The following SYNDIG1 variants were observed in gnomAD, a reference collection of about 807,000 sequenced individuals.
SYNDIG1 encodes the protein synapse differentiation-inducing gene protein 1.
In SYNDIG1, 9 loss-of-function variants were observed where a neutral mutation model predicts 19.4. That is an observed-to-expected ratio of 0.46 (90% CI 0.28 to 0.81). The LOEUF is 0.81. Ranked by LOEUF, SYNDIG1 falls within the 30% of genes least tolerant of loss-of-function variation. The pLI is 0.12. For synonymous variants in SYNDIG1, 141 were observed against 145.9 expected, an observed-to-expected ratio of 0.97 and a Z score of 0.24; for missense variants, 311 against 343.3, an observed-to-expected ratio of 0.91 and a Z score of 0.74.
chr20:24,631,345 G>A (rs1013090116), intron 3 of SYNDIG1, among the ~76,000 whole-genome samples: 25 of 152,138 alleles, frequency 1.6e-4, no homozygotes, highest in Non-Finnish European at 1.0e-4. Flanking sequence ...GGTGAGCTCC[G>A]GGGCAGGTGG....
intron 3 of SYNDIG1, among the ~76,000 whole-genome samples, chr20:24,641,798 C>A (rs2059379560): frequency 6.6e-6 from 1 of 152,164 alleles, no homozygotes; most frequent in Non-Finnish European, 1.5e-5. Context: ...CTCACCTTGT[C>A]CCATGCCACG....
rs1368408722 is a variant in SYNDIG1, at chr20:24,478,424, C to T, written c.-79+8671C>T. Reference sequence around the variant, plus strand: ...GGAATGAAGAGACCCAGAGGGCTTCCCCAACGTGCCGTCCAGCCTCACTGT... The same window carrying T: ...GGAATGAAGAGACCCAGAGGGCTTCTCCAACGTGCCGTCCAGCCTCACTGT... On this transcript the variant is annotated intron_variant, in intron 1 of 3. Coordinates refer to ENST00000376862, the MANE Select transcript of SYNDIG1 (RefSeq NM_024893.3). Among the ~76,000 whole-genome samples, 4 of 152,212 alleles carry T rather than the reference C, an allele frequency of 2.6e-5. No individual in the cohort carries two copies. In the East Asian group the frequency reaches 7.7e-4, roughly 29 times the overall value.
Position 24,506,410 on chromosome 20 carries a change from T to C in SYNDIG1, c.-78-36610T>C, listed in dbSNP as rs139299762. ...CCACTCCAGGTTTAGGAGACAGAAATTCCCCCAAGCGCCAAAGAGAGGGAG... is the reference window on the plus strand; with the variant it reads ...CCACTCCAGGTTTAGGAGACAGAAACTCCCCCAAGCGCCAAAGAGAGGGAG... On this transcript the variant is annotated intron_variant, in intron 1 of 3. Transcript: ENST00000376862. Among the ~76,000 whole-genome samples, 177 of 152,310 alleles carry C rather than the reference T, an allele frequency of 1.2e-3. 1 individual carries two copies. Among genetic ancestry groups the C allele is most frequent in the African/African-American group, 4.1e-3 (172 of 41,562 alleles).
chr20:24,646,613 G>A (rs2059424974), intron 3 of SYNDIG1, among the ~76,000 whole-genome samples: 1 of 151,962 alleles, frequency 6.6e-6, no homozygotes, highest in African/African-American at 2.4e-5. Flanking sequence ...CTCACCATAT[G>A]CAGATGCTCA....
At chr20:24,483,741 C>T (rs777998243) in intron 1 of SYNDIG1, among the ~76,000 whole-genome samples, 7 of 152,166 alleles carry the variant, frequency 4.6e-5, no homozygotes, top group Non-Finnish European at 8.8e-5. Flanking sequence ...TTGCCATTTG[C>T]TTGACCTTGT....
chr20:24,632,000 GCATCACTGCTGT>G (rs1307156845), intron 3 of SYNDIG1, among the ~76,000 whole-genome samples: 2 of 152,174 alleles, frequency 1.3e-5, no homozygotes, highest in Non-Finnish European at 2.9e-5. Context: ...TGTGAGCAAA[GCATCACTGCTGT>G]CCAGCTAGGC....
chr20:24,642,778 C>T (rs981279956), intron 3 of SYNDIG1, among the ~76,000 whole-genome samples: 1 of 152,064 alleles, frequency 6.6e-6, no homozygotes, highest in African/African-American at 2.4e-5. Context: ...TTCCTGTCCA[C>T]GTCCCAGAAT....
chr20:24,575,651 T>G (rs1053783585), intron 2 of SYNDIG1, among the ~76,000 whole-genome samples: 5 of 152,180 alleles, frequency 3.3e-5, no homozygotes, highest in Non-Finnish European at 7.3e-5. Context: ...CAGAAAAGTT[T>G]CATATTTTAT....
At chr20:24,500,966 G>A (rs867288754) in intron 1 of SYNDIG1, among the ~76,000 whole-genome samples, 2 of 152,222 alleles carry the variant, frequency 1.3e-5, no homozygotes, top group South Asian at 4.2e-4. Flanking sequence ...AAACAGAAGT[G>A]GGGTAGCTGT....
chr20:24,471,940 GATAAA>G (rs1300311130), intron 1 of SYNDIG1, among the ~76,000 whole-genome samples: 2 of 152,038 alleles, frequency 1.3e-5, no homozygotes, highest in African/African-American at 4.8e-5. Context: ...GTTAATATCT[GATAAA>G]ATAAACCAAT....
intron 1 of SYNDIG1, among the ~76,000 whole-genome samples, chr20:24,504,384 T>C (rs546697025): frequency 2.3e-4 from 35 of 152,232 alleles, no homozygotes; most frequent in Non-Finnish European, 4.3e-4. Flanking sequence ...AAAGAGACCC[T>C]ATGCGTAGCA....
chr20:24,575,049 C>T (rs1392962586), intron 2 of SYNDIG1, among the ~76,000 whole-genome samples: 1 of 152,214 alleles, frequency 6.6e-6, no homozygotes, highest in Non-Finnish European at 1.5e-5. Flanking sequence ...TGTGCTTCCC[C>T]AGCCTCATCC....
intron 3 of SYNDIG1, among the ~76,000 whole-genome samples, chr20:24,647,942 CTGGG>C (rs990028738): frequency 3.3e-5 from 5 of 151,894 alleles, no homozygotes; most frequent in African/African-American, 1.2e-4. Flanking sequence ...CGGTCAGGTT[CTGGG>C]GAGGGCTCTC....
At chr20:24,537,974 A>G (rs1217700252) in intron 1 of SYNDIG1, among the ~76,000 whole-genome samples, 1 of 152,134 alleles carries the variant, frequency 6.6e-6, no homozygotes, top group Non-Finnish European at 1.5e-5. Context: ...CTTCCTATCC[A>G]GATGATTTTA....
chr20:24,493,110 T>G (rs1206557496), intron 1 of SYNDIG1, among the ~76,000 whole-genome samples: 1 of 152,280 alleles, frequency 6.6e-6, no homozygotes, highest in Non-Finnish European at 1.5e-5. Context: ...TCATTCTCTT[T>G]CCTGTTTCTG....
chr20:24,602,791 G>C (rs1376839745), intron 3 of SYNDIG1, among the ~76,000 whole-genome samples: 1 of 152,178 alleles, frequency 6.6e-6, no homozygotes, highest in East Asian at 1.9e-4. Context: ...ATTATTAGAA[G>C]CAGAAATCTA....
chr20:24,571,064 C>G (rs1047438794), intron 2 of SYNDIG1, among the ~76,000 whole-genome samples: 1 of 151,952 alleles, frequency 6.6e-6, no homozygotes, highest in African/African-American at 2.4e-5. Context: ...TATGCCTGCT[C>G]GAAAAGACGA....
At chr20:24,509,939 C>G (rs1422655425) in intron 1 of SYNDIG1, among the ~76,000 whole-genome samples, 1 of 152,252 alleles carries the variant, frequency 6.6e-6, no homozygotes, top group East Asian at 1.9e-4. Context: ...TAGTGCTGCT[C>G]TCACCATAAT....
intron 1 of SYNDIG1, among the ~76,000 whole-genome samples, chr20:24,511,598 C>T (rs538517183): frequency 2.6e-5 from 4 of 152,248 alleles, no homozygotes; most frequent in African/African-American, 9.6e-5. Flanking sequence ...AAACACATGC[C>T]CTGTTGCCAG....
Sources: allele counts gnomAD v4.1 joint callset (sites outside exome capture counted in the v4.1 genomes callset), GRCh38; gene constraint gnomAD v4.1.1; transcripts MANE v1.5; gene names NCBI Gene and HGNC (gene_info 2026-07-23, HGNC 2026-07-21).